Variants in TMPRSS11F observed in about 807,000 individuals in gnomAD.
TMPRSS11F encodes the protein transmembrane protease serine 11F.
TMPRSS11F carries 47 observed loss-of-function variants against 60.2 expected under a neutral mutation model. The observed-to-expected ratio is 0.78, with a 90% CI of 0.62 to 1.00. TMPRSS11F has a LOEUF of 1.00. TMPRSS11F is among the 50% of genes least tolerant of loss of function. TMPRSS11F has a pLI of 0.00. For synonymous variants in TMPRSS11F, 166 were observed against 167.3 expected (o/e 0.99, Z 0.06); for missense variants, 519 against 522.9 (o/e 0.99, Z 0.07).
intron 1 of TMPRSS11F, among the ~76,000 whole-genome samples, chr4:68,103,218 A>G (rs938614823): frequency 2.6e-5 from 4 of 152,106 alleles, no homozygotes; most frequent in Non-Finnish European, 4.4e-5. Flanking sequence ...AAGTGGGTGG[A>G]TCACTTCAGT....
intron 1 of TMPRSS11F, among the ~76,000 whole-genome samples, chr4:68,108,427 G>A (rs1724344013): frequency 6.6e-6 from 1 of 152,126 alleles, no homozygotes; most frequent in Non-Finnish European, 1.5e-5. Context: ...TATGCAATCT[G>A]CCCACTGGAA....
chr4:68,118,710 A>T (rs1340206272), intron 1 of TMPRSS11F, among the ~76,000 whole-genome samples: 1 of 152,198 alleles, frequency 6.6e-6, no homozygotes, highest in African/African-American at 2.4e-5. Flanking sequence ...TACAAATATT[A>T]AAAAATTTAT....
At chr4:68,076,372 C>T (rs1723584129) in intron 3 of TMPRSS11F, among the ~76,000 whole-genome samples, 1 of 152,220 alleles carries the variant, frequency 6.6e-6, no homozygotes, top group Non-Finnish European at 1.5e-5. Flanking sequence ...AGAAAATCAA[C>T]TGTCTCAATG....
chr4:68,117,274 A>T (rs1377717551), intron 1 of TMPRSS11F, among the ~76,000 whole-genome samples: 4 of 151,732 alleles, frequency 2.6e-5, no homozygotes, highest in East Asian at 1.9e-4. Flanking sequence ...GAGACCATCC[A>T]GGCTAACACG....
rs772038150 is a variant in TMPRSS11F at position 68,064,839 on chromosome 4, T to C, written c.861A>G (p.Arg287=). The C allele has an allele frequency of 6.2e-7, 1 of 1,614,168 alleles. No homozygotes were observed. Among genetic ancestry groups the C allele is most frequent in the South Asian group, 1.1e-5 (1 of 91,080 alleles). ...AAGCAATGTCATTTTCATTTGTTTCTCTATGGTAATTCTCATGAAGAATAA... is the reference window on the plus strand; with the variant it reads ...AAGCAATGTCATTTTCATTTGTTTCCCTATGGTAATTCTCATGAAGAATAA... ...RKIILHENYH[R]ETNENDIALV... Residue 287 remains arginine, a synonymous_variant, in exon 8 of 10, where the codon AGA becomes AGG. Coordinates refer to ENST00000356291, the MANE Select transcript of TMPRSS11F (RefSeq NM_207407.2).
At chr4:68,070,044 A>C (rs1196504283) in intron 5 of TMPRSS11F, 37 bp from the exon 6 acceptor site, 2 of 1,567,902 alleles carry the variant, frequency 1.3e-6, no homozygotes, top group African/African-American at 2.7e-5. Flanking sequence ...TGGCAGAAGA[A>C]TATATTCCCA....
rs377379985 is a variant in TMPRSS11F at position 68,078,094 on chromosome 4, C to T, written c.283-4085G>A. Among the ~76,000 whole-genome samples the T allele has an allele frequency of 5.0e-4, 76 of 152,266 alleles. 2 individuals are homozygous for T. In the South Asian group the frequency reaches 0.013, roughly 26 times the overall value. ...CCTCCCAGGAAGCGGTGGATGGTCC[C>T]CTGGCCTTTGGCAACCCCCATCCCA... On this transcript the variant is annotated intron_variant, in intron 3 of 9. Transcript: ENST00000356291.
rs956787388 is a variant in TMPRSS11F, at chr4:68,059,477, C to T, written c.1016-9G>A. On this transcript the variant is annotated splice_polypyrimidine_tract_variant and intron_variant, in intron 8 of 9. Transcript: ENST00000356291. The stretch of plus-strand genomic sequence containing the variant: ...TGTATTTTGTATAGGTCCTATTGCA[C>T]AAATGGATAAAAAAACAAATAAACA... 2 of 1,605,702 alleles carry T rather than the reference C, an allele frequency of 1.2e-6. No individual in the cohort carries two copies. Among genetic ancestry groups the T allele is most frequent in the Non-Finnish European group, 1.7e-6 (2 of 1,175,982 alleles).
At chr4:68,068,986 T>A (rs1723396084) in intron 6 of TMPRSS11F, among the ~76,000 whole-genome samples, 167 bp from the exon 7 acceptor site, 1 of 152,208 alleles carries the variant, frequency 6.6e-6, no homozygotes, top group Admixed American at 6.5e-5. Context: ...CTACTGAGGT[T>A]CAGAAGAAAT....
At chr4:68,102,492 A>C (rs1724213980) in intron 1 of TMPRSS11F, among the ~76,000 whole-genome samples, 1 of 151,914 alleles carries the variant, frequency 6.6e-6, no homozygotes. Context: ...TTACCTTTTG[A>C]CTTTTTGGTA....
chr4:68,083,029 C>G (rs1723737905), intron 3 of TMPRSS11F, among the ~76,000 whole-genome samples: 1 of 152,162 alleles, frequency 6.6e-6, no homozygotes, highest in African/African-American at 2.4e-5. Context: ...TGGGCAGGCC[C>G]CACAGCTATC....
rs1282551586 is a variant in TMPRSS11F at position 68,062,211 on chromosome 4, C to G, written c.1015+2474G>C. ...ACTAAAACTCTGGTTTTTAAAATCA[C>G]TTATAATTTTGATTTTTCATAAAAT... is the stretch of plus-strand genomic sequence containing the variant. On this transcript the variant is annotated intron_variant, in intron 8 of 9. Coordinates refer to ENST00000356291, the MANE Select transcript of TMPRSS11F (RefSeq NM_207407.2). 5 of 404,978 alleles carry G rather than the reference C, an allele frequency of 1.2e-5. No homozygotes were observed. In the East Asian group the frequency reaches 3.5e-4, roughly 28 times the overall value. The allele number at this position is 404,978 out of a possible 1,614,324, so 25.1% of individuals were successfully genotyped here. A position where few individuals can be genotyped will look rare whatever the true frequency, so the allele number is the denominator to read the frequency against.
intron 7 of TMPRSS11F, among the ~76,000 whole-genome samples, chr4:68,065,483 G>A (rs370690775): frequency 3.9e-5 from 6 of 152,156 alleles, no homozygotes; most frequent in East Asian, 3.9e-4. Flanking sequence ...AGCTCCTACC[G>A]CCCATGGATC....
At chr4:68,061,413 T>C (rs541729964) in intron 8 of TMPRSS11F, among the ~76,000 whole-genome samples, 1 of 152,328 alleles carries the variant, frequency 6.6e-6, no homozygotes, top group African/African-American at 2.4e-5. Context: ...CACAAGTTAT[T>C]GGAAACTTCG....
At chr4:68,111,385 G>C (rs889032630) in intron 1 of TMPRSS11F, among the ~76,000 whole-genome samples, 1 of 152,094 alleles carries the variant, frequency 6.6e-6, no homozygotes, top group African/African-American at 2.4e-5. Flanking sequence ...ACATGAAACA[G>C]ATGGCCCAAT....
intron 3 of TMPRSS11F, among the ~76,000 whole-genome samples, chr4:68,078,262 A>G (rs2109852316): frequency 6.6e-6 from 1 of 152,210 alleles, no homozygotes; most frequent in Non-Finnish European, 1.5e-5. Flanking sequence ...GACTGTGTAC[A>G]TTCATTTTCC....
intron 2 of TMPRSS11F, among the ~76,000 whole-genome samples, chr4:68,091,174 A>T (rs1476551194): frequency 6.6e-6 from 1 of 152,126 alleles, no homozygotes; most frequent in Admixed American, 6.6e-5. Flanking sequence ...TTTTTCAAGG[A>T]CAACCATTGT....
At chr4:68,065,561 G>C (rs1479237943) in intron 7 of TMPRSS11F, among the ~76,000 whole-genome samples, 1 of 152,042 alleles carries the variant, frequency 6.6e-6, no homozygotes, top group East Asian at 1.9e-4. Context: ...CTCTCCCATA[G>C]ATGCTTTTCT....
At chr4:68,084,159 A>C (rs1193484470) in intron 3 of TMPRSS11F, among the ~76,000 whole-genome samples, 5 of 152,178 alleles carry the variant, frequency 3.3e-5, no homozygotes, top group Non-Finnish European at 5.9e-5. Flanking sequence ...TCCAAGAAAC[A>C]TGAGATTATG....
Sources: allele counts gnomAD v4.1 joint callset (sites outside exome capture counted in the v4.1 genomes callset), GRCh38; gene constraint gnomAD v4.1.1; transcripts MANE v1.5; gene names NCBI Gene and HGNC (gene_info 2026-07-23, HGNC 2026-07-21).